Variants in PUS10 observed in about 807,000 individuals in gnomAD.
The protein encoded by PUS10 is pseudouridine synthase 10.
PUS10 carries 59 observed loss-of-function variants against 75.0 expected under a neutral mutation model. The observed-to-expected ratio is 0.79, with a 90% CI of 0.64 to 0.98. PUS10 has a LOEUF of 0.98. Ranked by LOEUF, PUS10 falls within the 50% of genes least tolerant of loss-of-function variation. The pLI is 0.00. For synonymous variants in PUS10, 219 were observed against 211.6 expected (o/e 1.03, Z -0.30); for missense variants, 650 against 614.4 (o/e 1.06, Z -0.61).
chr2:60,952,834 C>T (rs904321367), intron 15 of PUS10, among the ~76,000 whole-genome samples, 163 bp downstream of exon 15: 3 of 152,206 alleles, frequency 2.0e-5, no homozygotes, highest in African/African-American at 4.8e-5. Context: ...AGATGAACTG[C>T]CCAGTCCTTC....
At chr2:60,989,702 T>C (rs893253782) in intron 4 of PUS10, among the ~76,000 whole-genome samples, 1 of 151,928 alleles carries the variant, frequency 6.6e-6, no homozygotes, top group Non-Finnish European at 1.5e-5. Context: ...CACTGCAACC[T>C]CCTCCTCCTG....
chr2:60,965,044 G>T lies in PUS10; in HGVS notation c.723+14C>A. The T allele has an allele frequency of 6.2e-7, 1 of 1,612,262 alleles. No homozygotes were observed. Among genetic ancestry groups the T allele is most frequent in the South Asian group, 1.1e-5 (1 of 90,840 alleles). ...AAACTCACTCAAGACTAAGAAGCGG[G>T]AACCTTTCCTTACCTGTTTGTTTTT... On this transcript the variant is annotated intron_variant, in intron 8 of 17. Transcript: ENST00000316752.
intron 4 of PUS10, among the ~76,000 whole-genome samples, chr2:60,990,106 A>C (rs1270000282): frequency 6.6e-6 from 1 of 152,190 alleles, no homozygotes; most frequent in East Asian, 1.9e-4. Flanking sequence ...GTGTTTAACA[A>C]GAATAGGATC....
intron 4 of PUS10, among the ~76,000 whole-genome samples, chr2:60,994,377 C>G (rs899286513): frequency 3.5e-5 from 5 of 144,722 alleles, no homozygotes; most frequent in South Asian, 2.1e-4. Context: ...ATCAATCTTC[C>G]TCAGAGCAAA....
In PUS10 at chr2:60,965,092, C is replaced by T. The variant is rs550921656; in HGVS notation, c.689G>A (p.Cys230Tyr). The part of the protein sequence containing the change: ...VEDCHFLAAI[C>Y]PDCFKPAKNK... ...TTTGGCTGGCTTAAAACAATCTGGG[C>T]ATATCGCAGCTCTAAAATAAAATTC... The change falls in exon 8 of 18, where the codon TGC becomes TAC. Residue 230 changes from cysteine (C) to tyrosine (Y), a missense_variant. By Grantham distance (194) the Cys-to-Tyr change is radical (BLOSUM62 -2). Coordinates refer to ENST00000316752, the MANE Select transcript of PUS10 (RefSeq NM_144709.4). 16 of 1,613,362 alleles carry T rather than the reference C, an allele frequency of 9.9e-6. No individual in the cohort carries two copies. In the South Asian group the frequency reaches 1.5e-4, roughly 16 times the overall value.
rs183472071 is a variant in PUS10, at chr2:61,001,853, G to A, written c.468+4704C>T. On this transcript the variant is annotated intron_variant, in intron 4 of 17. Transcript: ENST00000316752. ...GATAGTTTGGTTTGAATTAAAATGT[G>A]AATTGCACTTTCTCTGATGCTCTCA... is the stretch of plus-strand genomic sequence containing the variant. Among the ~76,000 whole-genome samples the A allele has an allele frequency of 2.7e-3, 417 of 152,222 alleles. 1 individual carries two copies. Among genetic ancestry groups the A allele is most frequent in the African/African-American group, 9.8e-3 (406 of 41,510 alleles).
rs567186691 is a variant in PUS10, at chr2:60,980,903, T to A, written c.469-9346A>T. ...TGGTTAAGGACCCATTACATTCTTT[T>A]TTTTATGAGACAGAGACTCACTCTG... On this transcript the variant is annotated intron_variant, in intron 4 of 17. Transcript: ENST00000316752. Among the ~76,000 whole-genome samples, 3 of 152,318 alleles carry A rather than the reference T, an allele frequency of 2.0e-5. No homozygotes were observed. In the South Asian group the frequency reaches 6.2e-4, roughly 32 times the overall value.
chr2:60,961,013 T>G (rs1470531865), intron 10 of PUS10, among the ~76,000 whole-genome samples: 1 of 152,180 alleles, frequency 6.6e-6, no homozygotes, highest in Non-Finnish European at 1.5e-5. Context: ...AAACAAAAAT[T>G]TGTCTGCCAG....
intron 15 of PUS10, among the ~76,000 whole-genome samples, chr2:60,952,378 A>G (rs1280875046): frequency 2.6e-5 from 4 of 151,798 alleles, no homozygotes; most frequent in African/African-American, 9.7e-5. Flanking sequence ...AACTATTTTT[A>G]TAAGAAGAGG....
At chr2:60,957,899 A>G (rs1573402181) in intron 11 of PUS10, among the ~76,000 whole-genome samples, 1 of 152,394 alleles carries the variant, frequency 6.6e-6, no homozygotes, top group East Asian at 1.9e-4. Flanking sequence ...GCACAACCCC[A>G]CACATTATGT....
chr2:60,959,494 G>A (rs969633809), intron 11 of PUS10, among the ~76,000 whole-genome samples: 4 of 152,278 alleles, frequency 2.6e-5, no homozygotes, highest in South Asian at 2.1e-4. Flanking sequence ...GGGTTCAAGC[G>A]ATTCGTGCCT....
intron 4 of PUS10, among the ~76,000 whole-genome samples, chr2:60,981,865 T>A (rs1677415067): frequency 6.6e-6 from 1 of 152,156 alleles, no homozygotes; most frequent in African/African-American, 2.4e-5. Context: ...CAAATTATTA[T>A]AAACTATAAA....
intron 11 of PUS10, among the ~76,000 whole-genome samples, 173 bp downstream of exon 11, chr2:60,960,219 C>T (rs1453830933): frequency 1.3e-5 from 2 of 150,344 alleles, no homozygotes; most frequent in Non-Finnish European, 3.0e-5. Context: ...TGGCTCATGC[C>T]TATAATCCCA....
intron 4 of PUS10, among the ~76,000 whole-genome samples, chr2:60,994,810 C>T (rs191223140): frequency 2.0e-5 from 3 of 152,258 alleles, no homozygotes; most frequent in Admixed American, 1.3e-4. Context: ...TGACCAAGGC[C>T]GGGTGCAGTG....
chr2:61,002,870 A>T (rs1017787449), intron 4 of PUS10, among the ~76,000 whole-genome samples: 12 of 152,102 alleles, frequency 7.9e-5, no homozygotes, highest in Admixed American at 6.6e-4. Flanking sequence ...AACTTTCCAT[A>T]TTGTTCTCTT....
chr2:60,944,474 C>G (rs190738592), intron 17 of PUS10, among the ~76,000 whole-genome samples: 86 of 152,286 alleles, frequency 5.6e-4, no homozygotes, highest in African/African-American at 2.0e-3. Context: ...AAACACCACT[C>G]GTGACTCAAC....
At chr2:60,947,954 G>T in intron 16 of PUS10, 89 bp downstream of exon 16, 1 of 1,419,964 alleles carries the variant, frequency 7.0e-7, no homozygotes, top group Non-Finnish European at 9.9e-7. Flanking sequence ...ATCCCTCCCA[G>T]ACCAAGCTGA....
intron 8 of PUS10, among the ~76,000 whole-genome samples, chr2:60,963,470 G>A (rs893486355): frequency 1.3e-5 from 2 of 152,100 alleles, no homozygotes; most frequent in Non-Finnish European, 2.9e-5. Flanking sequence ...TGTTCCACTT[G>A]GATTTTTTAA....
At position 60,956,974 on chromosome 2, in the gene PUS10, C is replaced by CAAAA. The variant is rs56804354; in HGVS notation, c.1001-1904_1001-1901dup. 2.9e-3 allele frequency among the ~76,000 whole-genome samples: 55 copies of CAAAA among 19,192 alleles called. 3 individuals carry two copies. The highest frequency in any genetic ancestry group is 8.3e-3 in the East Asian group (2 of 240). The allele number at this position is 19,192 out of a possible 152,430, so 12.6% of individuals were successfully genotyped here. A position where few individuals can be genotyped will look rare whatever the true frequency, so the allele number is the denominator to read the frequency against. On this transcript the variant is annotated intron_variant, in intron 11 of 17. Transcript: ENST00000316752. ...CGGGTGACAGAGCGAGACTCCATCT[C>CAAAA]AAAAAAAAAAAAAAAAAAAAAAAAA...
Sources: gnomAD v4.1 joint callset for allele counts (sites outside exome capture counted in the v4.1 genomes callset) on GRCh38, gnomAD v4.1.1 for gene constraint, MANE v1.5 for transcripts, NCBI Gene and HGNC (gene_info 2026-07-23, HGNC 2026-07-21) for gene names.